The following CUL3 variants were observed in gnomAD, a reference collection of about 807,000 sequenced individuals.
The protein encoded by CUL3 is cullin 3.
Under a neutral mutation model 89.1 loss-of-function variants are expected in CUL3, and 19 were observed. The ratio of observed to expected loss-of-function variants is 0.21; its 90% CI spans 0.15 to 0.31. The LOEUF (loss-of-function observed/expected upper bound fraction) is 0.31, where lower values mean the gene tolerates loss of function less well. Among genes scored for constraint, CUL3 ranks in the 10% least tolerant of loss-of-function variants. The probability of loss-of-function intolerance (pLI) is 1.00; values close to 1 mark genes in which losing one functional copy is unlikely to be tolerated. For synonymous variants in CUL3, 351 were observed against 308.4 expected, an observed-to-expected ratio of 1.14 and a Z score of -1.45; for missense variants, 469 against 942.3, an observed-to-expected ratio of 0.50 and a Z score of 6.58.
At chr2:224,503,093 T>C in intron 9 of CUL3, 21 bp from the exon 10 acceptor site, 2 of 1,356,450 alleles carry the variant, frequency 1.5e-6, no homozygotes, top group Non-Finnish European at 1.1e-6. Context: ...AAAACACAAA[T>C]ATACACAAAT....
intron 6 of CUL3, 68 bp from the exon 7 acceptor site, chr2:224,507,071 G>C: frequency 7.0e-7 from 1 of 1,418,652 alleles, no homozygotes; most frequent in Non-Finnish European, 9.6e-7. Flanking sequence ...CTCTGTTCAC[G>C]CTATAATACT....
chr2:224,518,537 G>GA (rs1289961080), intron 3 of CUL3, among the ~76,000 whole-genome samples: 2 of 152,080 alleles, frequency 1.3e-5, no homozygotes, highest in South Asian at 2.1e-4. Flanking sequence ...TTCTAAGGGG[G>GA]ATCTATCACT....
At chr2:224,564,832 A>T (rs561359199) in intron 1 of CUL3, among the ~76,000 whole-genome samples, 1 of 140,184 alleles carries the variant, frequency 7.1e-6, no homozygotes, top group South Asian at 2.3e-4. Flanking sequence ...AAAATCCCTG[A>T]CAACTCACCA....
intron 2 of CUL3, among the ~76,000 whole-genome samples, chr2:224,555,745 T>G (rs895848317): frequency 1.3e-5 from 2 of 152,196 alleles, no homozygotes; most frequent in Non-Finnish European, 2.9e-5. Flanking sequence ...ACTGTTCATA[T>G]ATATCCCAAA....
At position 224,557,783 on chromosome 2, in the gene CUL3, T is replaced by C; in HGVS notation, c.140A>G (p.Lys47Arg). Residue 47 changes from lysine to arginine, a missense_variant, in exon 2 of 16, where the codon AAG becomes AGG. Around this residue, in one of 4 missense-constraint regions of CUL3, gnomAD observed 370 missense variants for 733.2 expected, o/e 0.50. Coordinates refer to ENST00000264414, the MANE Select transcript of CUL3 (RefSeq NM_003590.5). ...LKNAIQEIQR[K>R]NNSGLSFEEL... Reference sequence around the variant, plus strand: ...CTCAAAACTAAGACCACTGTTATTCTTACGCTGGATTTCTTGAATTGCATT... The same window carrying C: ...CTCAAAACTAAGACCACTGTTATTCCTACGCTGGATTTCTTGAATTGCATT... The C allele has an allele frequency of 6.2e-7, 1 of 1,609,772 alleles. No individual in the cohort carries two copies. Among genetic ancestry groups the C allele is most frequent in the African/African-American group, 1.3e-5 (1 of 74,512 alleles).
chr2:224,564,344 C>T (rs1694988318), intron 1 of CUL3, among the ~76,000 whole-genome samples: 1 of 152,168 alleles, frequency 6.6e-6, no homozygotes. Context: ...AAAGAATCTG[C>T]ACTAGTTTTG....
intron 1 of CUL3, among the ~76,000 whole-genome samples, chr2:224,578,531 CATT>C (rs955317189): frequency 5.9e-5 from 9 of 152,030 alleles, no homozygotes; most frequent in Admixed American, 2.0e-4. Context: ...GAATATACAT[CATT>C]GTTATAATTA....
chr2:224,535,438 GGGATTACA>G, intron 3 of CUL3, 82 bp downstream of exon 3: 1 of 815,448 alleles, frequency 1.2e-6, no homozygotes, highest in Non-Finnish European at 1.9e-6. Flanking sequence ...CCAAAGTGCT[GGGATTACA>G]GGCGTGAGCC....
At chr2:224,575,895 A>T (rs1306378546) in intron 1 of CUL3, among the ~76,000 whole-genome samples, 8 of 152,214 alleles carry the variant, frequency 5.3e-5, no homozygotes, top group Non-Finnish European at 1.5e-5. Flanking sequence ...CCAGGACCTG[A>T]CCCATAGCAG....
At chr2:224,568,722 G>T (rs1574704409) in intron 1 of CUL3, among the ~76,000 whole-genome samples, 1 of 151,976 alleles carries the variant, frequency 6.6e-6, no homozygotes, top group South Asian at 2.1e-4. Context: ...TATTAACTGG[G>T]AAAAAAAGGG....
At chr2:224,567,689 G>A (rs867416708) in intron 1 of CUL3, among the ~76,000 whole-genome samples, 10 of 151,646 alleles carry the variant, frequency 6.6e-5, no homozygotes, top group African/African-American at 2.2e-4. Context: ...GCAGTAAGCC[G>A]AGATTGTGCC....
intron 2 of CUL3, among the ~76,000 whole-genome samples, chr2:224,554,762 A>C (rs1694640994): frequency 6.6e-6 from 1 of 152,208 alleles, no homozygotes; most frequent in Admixed American, 6.5e-5. Context: ...AGAACCTCTG[A>C]CGAATGAGAA....
intron 2 of CUL3, among the ~76,000 whole-genome samples, chr2:224,542,091 CTTA>C (rs1003486555): frequency 3.3e-5 from 5 of 152,054 alleles, no homozygotes; most frequent in African/African-American, 1.2e-4. Flanking sequence ...GCCCTGTTTC[CTTA>C]TTATTTTATC....
intron 3 of CUL3, among the ~76,000 whole-genome samples, chr2:224,533,768 G>C (rs1009141006): frequency 6.6e-6 from 1 of 152,040 alleles, no homozygotes; most frequent in Non-Finnish European, 1.5e-5. Flanking sequence ...ATTTATAACC[G>C]GATGAGAAAA....
chr2:224,549,868 A>C (rs1295300771), intron 2 of CUL3, among the ~76,000 whole-genome samples: 1 of 152,066 alleles, frequency 6.6e-6, no homozygotes, highest in Admixed American at 6.5e-5. Context: ...GCGTGCACAC[A>C]CACACACACG....
chr2:224,497,265 G>A (rs1024300016), intron 12 of CUL3, among the ~76,000 whole-genome samples: 12 of 151,946 alleles, frequency 7.9e-5, no homozygotes, highest in East Asian at 3.9e-4. Flanking sequence ...ATAAAAATGC[G>A]ATTGCTTTTT....
chr2:224,535,608 T>C lies in CUL3; in HGVS notation c.298A>G (p.Asn100Asp). 1 of 1,613,414 alleles carries C rather than the reference T, an allele frequency of 6.2e-7. No homozygotes were observed. ...REDVLNSLNN[N>D]FLQTLNQAWN... ...GCTTGATTTAGCGTTTGAAGAAAGT[T>C]GTTATTCAATGAATTTAGTACATCT... is the stretch of plus-strand genomic sequence containing the variant. Residue 100 changes from asparagine (N) to aspartate (D), a missense_variant, in exon 3 of 16, where the codon AAC (asparagine) becomes GAC (aspartate). By Grantham distance (23) the Asn-to-Asp change is conservative. This residue lies in a region of CUL3 where 370 missense variants were observed against 733.2 expected (regional missense o/e 0.50). Coordinates refer to ENST00000264414, the MANE Select transcript of CUL3 (RefSeq NM_003590.5).
chr2:224,582,127 G>A (rs907524995), intron 1 of CUL3, among the ~76,000 whole-genome samples: 7 of 151,894 alleles, frequency 4.6e-5, no homozygotes, highest in East Asian at 1.9e-4. Flanking sequence ...ACCACGCCCC[G>A]CTAATTTTTT....
intron 2 of CUL3, among the ~76,000 whole-genome samples, chr2:224,552,324 A>C (rs2106294797): frequency 6.6e-6 from 1 of 152,336 alleles, no homozygotes; most frequent in Non-Finnish European, 1.5e-5. Flanking sequence ...TGAGGTACAA[A>C]GGCCACATTA....
Sources: gnomAD v4.1 joint callset for allele counts (sites outside exome capture counted in the v4.1 genomes callset) on GRCh38, gnomAD v4.1.1 for gene constraint, gnomAD v4.1.1 regional missense constraint, MANE v1.5 for transcripts, NCBI Gene and HGNC (gene_info 2026-07-23, HGNC 2026-07-21) for gene names.